Variants in ABCA4 observed in about 807,000 individuals in gnomAD.
ABCA4 encodes ATP binding cassette subfamily A member 4, also known as retinal-specific phospholipid-transporting ATPase ABCA4.
A neutral mutation model predicts 263.7 loss-of-function variants in ABCA4; 196 were observed. That is an observed-to-expected ratio of 0.74 (90% CI 0.66 to 0.84). The LOEUF is 0.84. ABCA4 is among the 40% of genes least tolerant of loss of function. The probability of loss-of-function intolerance (pLI) is 0.00; values close to 1 mark genes in which losing one functional copy is unlikely to be tolerated. For synonymous variants in ABCA4, 1,133 were observed against 1,094.2 expected (o/e 1.04, Z -0.70); for missense variants, 2,792 against 2,855.1 (o/e 0.98, Z 0.50).
At position 94,060,727 on chromosome 1, in the gene ABCA4, A is replaced by G. The variant is rs1226435882; in HGVS notation, c.1970T>C (p.Ile657Thr). 1 of 1,613,782 alleles carries G rather than the reference A, an allele frequency of 6.2e-7. No individual in the cohort carries two copies. Among genetic ancestry groups the G allele is most frequent in the East Asian group, 2.2e-5 (1 of 44,866 alleles). ...FMIILNRCFP[I>T]FMVLAWIYSV... Reference sequence around the variant, plus strand: ...GTAGATCCATGCCAGCACCATGAAGATAGGGAAACAGCGGTTCAGGATGAT... The same window carrying G: ...GTAGATCCATGCCAGCACCATGAAGGTAGGGAAACAGCGGTTCAGGATGAT... The change falls in exon 14 of 50, where the codon ATC becomes ACC. Residue 657 changes from isoleucine to threonine, a missense_variant. Transcript: ENST00000370225.
intron 19 of ABCA4, among the ~76,000 whole-genome samples, chr1:94,045,133 G>C (rs1054300575): frequency 4.1e-4 from 63 of 152,334 alleles, no homozygotes; most frequent in African/African-American, 1.4e-3. Flanking sequence ...TCCTGGGTGA[G>C]CAGTCATGGC....
At chr1:94,011,450 G>A in intron 38 of ABCA4, 65 bp from the exon 39 acceptor site, 1 of 1,610,242 alleles carries the variant, frequency 6.2e-7, no homozygotes, top group South Asian at 1.1e-5. Context: ...TTCAGCAGGT[G>A]GGGCCCAGAT....
At chr1:94,091,343 C>T (rs961206793) in intron 6 of ABCA4, among the ~76,000 whole-genome samples, 32 of 152,140 alleles carry the variant, frequency 2.1e-4, no homozygotes, top group African/African-American at 5.8e-4. Flanking sequence ...TGCCTAGTCC[C>T]GAGGGAGCCC....
intron 7 of ABCA4, among the ~76,000 whole-genome samples, 175 bp downstream of exon 7, chr1:94,083,173 TCTTA>T (rs1411007826): frequency 1.3e-5 from 2 of 152,234 alleles, no homozygotes; most frequent in African/African-American, 2.4e-5. Flanking sequence ...TCTTTCTGCC[TCTTA>T]CTTAAGAGCA....
At chr1:94,048,983 C>T (rs1044602159) in intron 17 of ABCA4, 26 bp from the exon 18 acceptor site, 1 of 1,611,200 alleles carries the variant, frequency 6.2e-7, no homozygotes, top group Non-Finnish European at 8.5e-7. Context: ...GCCAGTGTTA[C>T]TCTACCACCG....
Position 94,097,897 on chromosome 1 carries a change from C to G in ABCA4, c.768+897G>C, listed in dbSNP as rs182201701. 8.8e-3 allele frequency among the ~76,000 whole-genome samples: 1,334 copies of G among 152,218 alleles called. 26 individuals are homozygous for G. Among genetic ancestry groups the G allele is most frequent in the African/African-American group, 0.031 (1,280 of 41,548 alleles). ...CCTCAGTAGCTGGGATTACAGGCGC[C>G]CGCCACCACACCTGGCTAATTTTTG... On this transcript the variant is annotated intron_variant, in intron 6 of 49. Transcript: ENST00000370225.
intron 27 of ABCA4, among the ~76,000 whole-genome samples, chr1:94,031,508 G>A (rs1660200592): frequency 6.6e-6 from 1 of 152,160 alleles, no homozygotes; most frequent in Non-Finnish European, 1.5e-5. Flanking sequence ...ATGAAAACAT[G>A]ACTTTATCCC....
rs748907485 is a variant in ABCA4, at chr1:94,010,895, G to T, written c.5619C>A (p.Asp1873Glu). The T allele has an allele frequency of 1.2e-6, 2 of 1,614,088 alleles. No homozygotes were observed. The highest frequency in any genetic ancestry group is 1.7e-6 in the Non-Finnish European group (2 of 1,180,026). ...TGGCAAACAGGTTCTTCCCAATCAG[G>T]TCCCAGTGGAACGGATTTGCAGAGT... Reference protein sequence around the residue: ...EEHSANPFHWDLIGKNLFAMV... With the variant: ...EEHSANPFHWELIGKNLFAMV... Residue 1873 changes from aspartate (D) to glutamate (E), a missense_variant, in exon 40 of 50, where the codon GAC becomes GAA. Transcript: ENST00000370225.
intron 6 of ABCA4, among the ~76,000 whole-genome samples, chr1:94,091,459 T>C (rs1661964998): frequency 6.6e-6 from 1 of 152,136 alleles, no homozygotes; most frequent in South Asian, 2.1e-4. Context: ...CTATTATCTG[T>C]TCAAATTCAC....
intron 1 of ABCA4, 99 bp downstream of exon 1, chr1:94,120,881 C>G (rs372845872): frequency 1.4e-5 from 9 of 636,572 alleles, no homozygotes; most frequent in Non-Finnish European, 2.3e-5. Flanking sequence ...CACAACCCCC[C>G]ACCCTGCCCC....
At position 94,010,948 on chromosome 1, in the gene ABCA4, T is replaced by C; in HGVS notation, c.5585-19A>G. The C allele has an allele frequency of 6.2e-7, 1 of 1,613,900 alleles. No individual in the cohort carries two copies. Among genetic ancestry groups the C allele is most frequent in the African/African-American group, 1.3e-5 (1 of 75,000 alleles). On this transcript the variant is annotated intron_variant, in intron 39 of 49. Transcript: ENST00000370225. ...TCCTCACCTGGGCATCAACAGGAAT[T>C]GAGTCCACTTCAGCCGCCCCAGCTC...
intron 38 of ABCA4, among the ~76,000 whole-genome samples, chr1:94,013,468 C>A (rs866826128): frequency 1.3e-5 from 2 of 152,082 alleles, no homozygotes; most frequent in Non-Finnish European, 2.9e-5. Context: ...ATGTGCTGGC[C>A]GGTCCCACCC....
chr1:94,036,010 T>C (rs1660328782), intron 26 of ABCA4, among the ~76,000 whole-genome samples: 1 of 152,210 alleles, frequency 6.6e-6, no homozygotes, highest in South Asian at 2.1e-4. Context: ...AATGATTTTA[T>C]GTTGATCTCA....
At chr1:94,023,603 A>T (rs1659961037) in intron 31 of ABCA4, among the ~76,000 whole-genome samples, 185 bp from the exon 32 acceptor site, 1 of 152,194 alleles carries the variant, frequency 6.6e-6, no homozygotes, top group Non-Finnish European at 1.5e-5. Context: ...ACATGCAGAG[A>T]AAGGACCTAT....
At chr1:94,031,234 C>G in intron 27 of ABCA4, 114 bp from the exon 28 acceptor site, 3 of 1,433,916 alleles carry the variant, frequency 2.1e-6, no homozygotes, top group Non-Finnish European at 2.9e-6. Context: ...CCTAATCAGC[C>G]CCTGGTGGAG....
chr1:94,019,373 C>T (rs571412658), intron 36 of ABCA4: 87 of 595,518 alleles, frequency 1.5e-4, no homozygotes, highest in Admixed American at 1.3e-3. Flanking sequence ...AGCTGCACCC[C>T]ACAGCCTTTC....
intron 5 of ABCA4, among the ~76,000 whole-genome samples, chr1:94,101,475 G>A (rs565265988): frequency 1.3e-5 from 2 of 152,302 alleles, no homozygotes; most frequent in East Asian, 3.9e-4. Context: ...AAACCTCAGG[G>A]TCTGAGAAGC....
chr1:94,024,533 C>T lies in ABCA4; in HGVS notation c.4634+421G>A, dbSNP rs79634192. The stretch of plus-strand genomic sequence containing the variant: ...CTTTCCCACCCTATCTTTTTCCTTT[C>T]TCTTTTTTGCCACTTACTTATTTTC... On this transcript the variant is annotated intron_variant, in intron 31 of 49. Transcript: ENST00000370225. Among the ~76,000 whole-genome samples, 658 of 152,276 alleles carry T rather than the reference C, an allele frequency of 4.3e-3. 4 individuals carry two copies. Among genetic ancestry groups the T allele is most frequent in the African/African-American group, 0.015 (619 of 41,552 alleles).
intron 6 of ABCA4, among the ~76,000 whole-genome samples, chr1:94,086,699 T>G (rs1661835128): frequency 6.6e-6 from 1 of 152,120 alleles, no homozygotes. Context: ...GACTTTAACT[T>G]CTTTTTATAT....
Sources: allele counts gnomAD v4.1 joint callset (sites outside exome capture counted in the v4.1 genomes callset), GRCh38; gene constraint gnomAD v4.1.1; transcripts MANE v1.5; gene names NCBI Gene and HGNC (gene_info 2026-07-23, HGNC 2026-07-21).